The following FAM184A variants were observed in gnomAD, a reference collection of about 807,000 sequenced individuals.
The protein encoded by FAM184A is family with sequence similarity 184 member A.
FAM184A carries 99 observed loss-of-function variants against 143.8 expected under a neutral mutation model. The ratio of observed to expected loss-of-function variants is 0.69; its 90% CI spans 0.58 to 0.81. The LOEUF is 0.81. Ranked by LOEUF, FAM184A falls within the 40% of genes least tolerant of loss-of-function variation. The probability of loss-of-function intolerance (pLI) is 0.00; values close to 1 mark genes in which losing one functional copy is unlikely to be tolerated. For synonymous variants in FAM184A, 427 were observed against 446.4 expected (o/e 0.96, Z 0.55); for missense variants, 1,217 against 1,310.5 (o/e 0.93, Z 1.10).
intron 1 of FAM184A, among the ~76,000 whole-genome samples, chr6:119,047,483 T>C (rs1786587415): frequency 6.6e-6 from 1 of 152,180 alleles, no homozygotes; most frequent in Non-Finnish European, 1.5e-5. Flanking sequence ...GTAACCTACG[T>C]GTCCATCAAC....
intron 16 of FAM184A, chr6:118,962,777 G>A (rs1205682500): frequency 2.0e-5 from 3 of 151,934 alleles, no homozygotes; most frequent in African/African-American, 7.3e-5. Flanking sequence ...TAGTCTCAAA[G>A]TATTTTATTC....
chr6:118,960,473 C>G (rs887191903), intron 17 of FAM184A, among the ~76,000 whole-genome samples: 2 of 152,124 alleles, frequency 1.3e-5, no homozygotes, highest in Non-Finnish European at 2.9e-5. Context: ...ATAAAAAATT[C>G]AGTAAGAATT....
rs1784834041 is a variant in FAM184A, at chr6:119,003,632, A to T, written c.1816-10T>A. On this transcript the variant is annotated splice_polypyrimidine_tract_variant and intron_variant, in intron 7 of 17. Transcript: ENST00000338891. ...CTTGTTCTAGCTCACCCTGAAGAAT[A>T]AAAACTTTTCAATGAAGACTAAACT... The T allele has an allele frequency of 6.3e-7, 1 of 1,593,962 alleles. No individual in the cohort carries two copies. The highest frequency in any genetic ancestry group is 1.4e-5 in the African/African-American group (1 of 73,946).
chr6:118,966,865 T>G lies in FAM184A; in HGVS notation c.3003A>C (p.Thr1001=), dbSNP rs1783517345. The part of the protein sequence containing the change: ...QMITELKAML[T]ERDQIIKKLI... ...GTTTCTTTATGATCTGGTCTCTTTCTGTAAGCATGGCTTTTAATTCTGTAA... is the reference window on the plus strand; with the variant it reads ...GTTTCTTTATGATCTGGTCTCTTTCGGTAAGCATGGCTTTTAATTCTGTAA... The change falls in exon 15 of 18, where the codon ACA becomes ACC. Residue 1001 remains threonine (T), a synonymous_variant. Coordinates refer to ENST00000338891, the MANE Select transcript of FAM184A (RefSeq NM_024581.6). 6.3e-7 allele frequency: 1 copy of G among 1,594,038 alleles called. No individual in the cohort carries two copies. Among genetic ancestry groups the G allele is most frequent in the South Asian group, 1.1e-5 (1 of 89,718 alleles).
intron 1 of FAM184A, among the ~76,000 whole-genome samples, chr6:119,054,832 C>A (rs531971782): frequency 1.3e-5 from 2 of 150,858 alleles, no homozygotes; most frequent in African/African-American, 4.9e-5. Flanking sequence ...GGAATATTCA[C>A]GCTTTGAGTC....
intron 14 of FAM184A, among the ~76,000 whole-genome samples, 175 bp downstream of exon 14, chr6:118,974,253 C>T (rs920779316): frequency 1.3e-5 from 2 of 152,086 alleles, no homozygotes; most frequent in South Asian, 2.1e-4. Flanking sequence ...ATTCAACTGC[C>T]TCATCCTAAT....
At position 118,961,637 on chromosome 6, in the gene FAM184A, G is replaced by T. The variant is rs150675193; in HGVS notation, c.3341+124C>A. 9.3e-4 allele frequency: 775 copies of T among 833,410 alleles called. 8 individuals are homozygous for T. Among genetic ancestry groups the T allele is most frequent in the South Asian group, 6.7e-3 (395 of 59,294 alleles). 51.6% of individuals were successfully genotyped at this position (833,410 alleles called of 1,614,324 possible). A position where few individuals can be genotyped will look rare whatever the true frequency, so the allele number is the denominator to read the frequency against. The stretch of plus-strand genomic sequence containing the variant: ...TCTAGAGAGGGGATAAATATACTTT[G>T]AAGAAAATATTTCATAGTAATTTTT... On this transcript the variant is annotated intron_variant, in intron 17 of 17. Coordinates refer to ENST00000338891, the MANE Select transcript of FAM184A (RefSeq NM_024581.6).
chr6:119,144,575 G>GT (rs1260602140), intron 1 of FAM184A, among the ~76,000 whole-genome samples: 1 of 152,220 alleles, frequency 6.6e-6, no homozygotes, highest in Non-Finnish European at 1.5e-5. Context: ...ACAGTGCTAG[G>GT]TTCTTTTCTC....
chr6:119,048,465 C>T (rs1214947664), intron 1 of FAM184A, among the ~76,000 whole-genome samples: 1 of 152,060 alleles, frequency 6.6e-6, no homozygotes, highest in Non-Finnish European at 1.5e-5. Flanking sequence ...TGACATGATT[C>T]TATATATAGA....
chr6:119,094,003 C>T (rs1788440191), intron 1 of FAM184A, among the ~76,000 whole-genome samples: 1 of 143,574 alleles, frequency 7.0e-6, no homozygotes. Context: ...CCTCCCTCCC[C>T]TCCCCTCCCT....
chr6:118,964,218 T>TTTA (rs767933855), intron 16 of FAM184A, among the ~76,000 whole-genome samples: 14 of 152,016 alleles, frequency 9.2e-5, no homozygotes, highest in Non-Finnish European at 1.5e-4. Flanking sequence ...CTGAGAGAAG[T>TTTA]AAAGCCCTTC....
At chr6:119,079,874 T>A (rs916022448), upstream of FAM184A, among the ~76,000 whole-genome samples, 1 of 152,234 alleles carries the variant, frequency 6.6e-6, no homozygotes, top group Admixed American at 6.5e-5. Context: ...TTGGCTCTTT[T>A]CCCAGATGCT....
At chr6:119,068,406 G>A (rs948084372) in intron 1 of FAM184A, among the ~76,000 whole-genome samples, 1 of 152,058 alleles carries the variant, frequency 6.6e-6, no homozygotes, top group African/African-American at 2.4e-5. Context: ...AAGTGGGGAG[G>A]GGATAGTGGG....
At chr6:119,096,055 C>G (rs1356362271) in intron 1 of FAM184A, among the ~76,000 whole-genome samples, 1 of 152,074 alleles carries the variant, frequency 6.6e-6, no homozygotes, top group Non-Finnish European at 1.5e-5. Flanking sequence ...CTCAAAGCAA[C>G]TCATGTCATT....
At chr6:119,132,923 A>G (rs899338909) in intron 1 of FAM184A, among the ~76,000 whole-genome samples, 1 of 152,216 alleles carries the variant, frequency 6.6e-6, no homozygotes, top group Non-Finnish European at 1.5e-5. Context: ...ATTTTAATCA[A>G]CTCTAAGAGT....
intron 1 of FAM184A, among the ~76,000 whole-genome samples, chr6:119,027,462 C>T (rs575423635): frequency 6.6e-6 from 1 of 152,260 alleles, no homozygotes; most frequent in African/African-American, 2.4e-5. Flanking sequence ...TTTGTAATTT[C>T]CTGTGCGATA....
upstream of FAM184A, chr6:119,078,760 C>G (rs564461741): frequency 1.4e-3 from 213 of 152,930 alleles, no homozygotes; most frequent in Middle Eastern, 0.014. The surrounding 1 kb of genome is among the most constrained non-coding windows in gnomAD (Gnocchi z 5.5). Flanking sequence ...CGCGCGGGGA[C>G]GGCGACGTCA....
At chr6:119,127,183 C>T (rs1473244149) in intron 1 of FAM184A, among the ~76,000 whole-genome samples, 1 of 152,214 alleles carries the variant, frequency 6.6e-6, no homozygotes, top group Non-Finnish European at 1.5e-5. Context: ...GAACCCCACC[C>T]TTTTATGCCT....
intron 1 of FAM184A, among the ~76,000 whole-genome samples, chr6:119,049,951 T>C (rs573981085): frequency 2.1e-4 from 32 of 152,314 alleles, no homozygotes; most frequent in Admixed American, 3.9e-4. Context: ...AAAGATCTAA[T>C]ATCCAGCATC....
Sources: gnomAD v4.1 joint callset for allele counts (sites outside exome capture counted in the v4.1 genomes callset) on GRCh38, gnomAD v4.1.1 for gene constraint, Gnocchi (gnomAD v3.1) non-coding constraint, MANE v1.5 for transcripts, NCBI Gene and HGNC (gene_info 2026-07-23, HGNC 2026-07-21) for gene names.